Variants in MCUB observed in about 807,000 individuals in gnomAD.
MCUB encodes the protein calcium uniporter regulatory subunit MCUb, mitochondrial.
MCUB carries 46 observed loss-of-function variants against 41.4 expected under a neutral mutation model. That is an observed-to-expected ratio of 1.11 (90% CI 0.88 to 1.42). The LOEUF is 1.42. MCUB is among the 40% of genes most tolerant of loss of function. The pLI, the probability that MCUB is intolerant of heterozygous loss-of-function variation, is 0.00. For missense variants in MCUB, 403 were observed against 404.9 expected (o/e 1.00, Z 0.04); for synonymous variants, 148 against 148.2 (o/e 1.00, Z 0.01).
chr4:109,564,460 GC>G (rs1183406190), intron 1 of MCUB, among the ~76,000 whole-genome samples: 2 of 152,144 alleles, frequency 1.3e-5, no homozygotes, highest in Non-Finnish European at 2.9e-5. Context: ...TTCAAGTCTA[GC>G]CCCATATCTT....
intron 4 of MCUB, chr4:109,673,734 A>G: frequency 1.9e-6 from 1 of 514,248 alleles, no homozygotes; most frequent in Non-Finnish European, 3.4e-6. Context: ...TAAGTTCACA[A>G]GGAAGACACA....
chr4:109,642,505 G>A (rs188936494), intron 1 of MCUB, among the ~76,000 whole-genome samples: 67 of 152,210 alleles, frequency 4.4e-4, no homozygotes, highest in African/African-American at 6.5e-4. Flanking sequence ...GTTAGCTGTC[G>A]CTTTTATACT....
intron 1 of MCUB, among the ~76,000 whole-genome samples, chr4:109,630,797 C>T (rs1488882597): frequency 3.9e-5 from 6 of 152,080 alleles, no homozygotes; most frequent in Non-Finnish European, 8.8e-5. Flanking sequence ...GTCAGGCTGG[C>T]CTTGAACTCC....
intron 1 of MCUB, among the ~76,000 whole-genome samples, chr4:109,589,941 C>T (rs1046714827): frequency 6.6e-6 from 1 of 152,178 alleles, no homozygotes; most frequent in South Asian, 2.1e-4. Flanking sequence ...CTAGGAACAT[C>T]TTGTGTTTCT....
At chr4:109,684,280 T>C (rs1297952041) in intron 5 of MCUB, among the ~76,000 whole-genome samples, 163 bp from the exon 6 acceptor site, 2 of 152,148 alleles carry the variant, frequency 1.3e-5, no homozygotes, top group African/African-American at 2.4e-5. Flanking sequence ...ACCAGGATGG[T>C]CTCGATCTCC....
At chr4:109,630,658 C>G (rs541831390) in intron 1 of MCUB, among the ~76,000 whole-genome samples, 1 of 151,872 alleles carries the variant, frequency 6.6e-6, no homozygotes, top group African/African-American at 2.4e-5. Context: ...CTTGGCTCAC[C>G]GCAACCTCTG....
chr4:109,656,391 T>C (rs1729103298), intron 1 of MCUB, among the ~76,000 whole-genome samples: 1 of 63,902 alleles, frequency 1.6e-5, no homozygotes, highest in South Asian at 5.5e-4. Context: ...TTTTTTTTTT[T>C]TGGAGACAGG....
At chr4:109,660,065 C>A in intron 2 of MCUB, 130 bp from the exon 3 acceptor site, 1 of 599,624 alleles carries the variant, frequency 1.7e-6, no homozygotes, top group South Asian at 2.2e-5. Context: ...ATTATTGGAG[C>A]AATACAAATT....
chr4:109,596,745 A>AT (rs1727565111), intron 1 of MCUB, among the ~76,000 whole-genome samples: 1 of 135,288 alleles, frequency 7.4e-6, no homozygotes, highest in African/African-American at 2.8e-5. Flanking sequence ...TTTTTAATTT[A>AT]TTTTTTATTG....
chr4:109,616,755 A>G (rs758140729), intron 1 of MCUB, among the ~76,000 whole-genome samples: 3 of 152,204 alleles, frequency 2.0e-5, no homozygotes, highest in Non-Finnish European at 2.9e-5. Context: ...GCATGTTTGT[A>G]TATAATATGT....
intron 4 of MCUB, among the ~76,000 whole-genome samples, chr4:109,664,850 T>C (rs1729309659): frequency 6.6e-6 from 1 of 152,184 alleles, no homozygotes; most frequent in African/African-American, 2.4e-5. Context: ...CTTTAGGATC[T>C]TGAATGCTTA....
At position 109,619,022 on chromosome 4, in the gene MCUB, A is replaced by ACCTGCCTGCCTGCCTGCCTG. The variant is rs70954173; in HGVS notation, c.100-39978_100-39977insGCCTGCCTGCCTGCCTGCCT. ...AACCTACCTACCTACCTACCTATCT[A>ACCTGCCTGCCTGCCTGCCTG]CCTGCCTGCCTACCTACCTACCTAC... is the stretch of plus-strand genomic sequence containing the variant. On this transcript the variant is annotated intron_variant, in intron 1 of 7. Coordinates refer to ENST00000394650, the MANE Select transcript of MCUB (RefSeq NM_017918.5). Among the ~76,000 whole-genome samples the ACCTGCCTGCCTGCCTGCCTG allele has an allele frequency of 2.9e-4, 39 of 134,462 alleles. No individual in the cohort carries two copies. In the East Asian group the frequency reaches 4.7e-3, roughly 16 times the overall value. 88.2% of individuals were successfully genotyped at this position (134,462 alleles called of 152,430 possible).
intron 1 of MCUB, among the ~76,000 whole-genome samples, chr4:109,610,265 C>T (rs974421202): frequency 4.6e-5 from 7 of 152,230 alleles, no homozygotes; most frequent in African/African-American, 1.7e-4. Flanking sequence ...CAGTGCTCTA[C>T]CCCATGTGGC....
intron 1 of MCUB, among the ~76,000 whole-genome samples, chr4:109,568,866 A>G (rs997791227): frequency 6.6e-6 from 1 of 152,178 alleles, no homozygotes; most frequent in Non-Finnish European, 1.5e-5. Flanking sequence ...ACAAAATAGT[A>G]TATAAAGTTC....
At chr4:109,619,089 T>C (rs11937120) in intron 1 of MCUB, among the ~76,000 whole-genome samples, 107,114 of 150,790 alleles carry the variant, frequency 0.71, 38,216 homozygotes, top group South Asian at 0.76. Context: ...TTTATTGAGA[T>C]GGAGTCTTGC....
At chr4:109,685,154 CT>C (rs1330218321) in intron 6 of MCUB, 96 bp from the exon 7 acceptor site, 1 of 635,980 alleles carries the variant, frequency 1.6e-6, no homozygotes, top group African/African-American at 1.8e-5. Flanking sequence ...CATCTGCCTT[CT>C]TTTGCTTTGG....
chr4:109,583,389 G>T (rs557564528), intron 1 of MCUB, among the ~76,000 whole-genome samples: 53 of 152,162 alleles, frequency 3.5e-4, no homozygotes, highest in African/African-American at 1.2e-3. Context: ...TAGGAATGCT[G>T]GTGATTTTTG....
At position 109,576,808 on chromosome 4, in the gene MCUB, C is replaced by G. The variant is rs186521752; in HGVS notation, c.99+16372C>G. On this transcript the variant is annotated intron_variant, in intron 1 of 7. Transcript: ENST00000394650. The stretch of plus-strand genomic sequence containing the variant: ...AAGATGAAGGGGTTGTGGACAACAA[C>G]CCTGTGTCAAGGGCCAAGCCAGATA... 5.9e-5 allele frequency among the ~76,000 whole-genome samples: 9 copies of G among 152,244 alleles called. 1 individual carries two copies. The South Asian group carries it at 8.3e-4, about 14-fold the overall frequency.
chr4:109,623,687 A>T lies in MCUB; in HGVS notation c.100-35324A>T, dbSNP rs35958657. Among the ~76,000 whole-genome samples, 1,020 of 152,216 alleles carry T rather than the reference A, an allele frequency of 6.7e-3. 12 individuals carry two copies. Among genetic ancestry groups the T allele is most frequent in the African/African-American group, 0.023 (971 of 41,524 alleles). On this transcript the variant is annotated intron_variant, in intron 1 of 7. Transcript: ENST00000394650. The stretch of plus-strand genomic sequence containing the variant: ...CTTTTCCTAATTTACAACTCAGGGA[A>T]CCCAAGAACACTCAAGAATGTGAGC...
Sources: gnomAD v4.1 joint callset for allele counts (sites outside exome capture counted in the v4.1 genomes callset) on GRCh38, gnomAD v4.1.1 for gene constraint, MANE v1.5 for transcripts, NCBI Gene and HGNC (gene_info 2026-07-23, HGNC 2026-07-21) for gene names.